Variants in CFAP77 observed in about 807,000 individuals in gnomAD.
The protein encoded by CFAP77 is cilia- and flagella-associated protein 77.
A neutral mutation model predicts 31.1 loss-of-function variants in CFAP77; 25 were observed. The observed-to-expected ratio is 0.80, with a 90% CI of 0.59 to 1.12. The LOEUF is 1.12. Ranked by LOEUF, CFAP77 falls within the 50% of genes most tolerant of loss-of-function variation. The probability of loss-of-function intolerance (pLI) is 0.00; values close to 1 mark genes in which losing one functional copy is unlikely to be tolerated. For missense variants in CFAP77, 377 were observed against 397.3 expected (o/e 0.95, Z 0.44); for synonymous variants, 151 against 159.9 (o/e 0.94, Z 0.42).
chr9:132,488,783 C>G (rs140364184), intron 1 of CFAP77, among the ~76,000 whole-genome samples: 1 of 152,174 alleles, frequency 6.6e-6, no homozygotes, highest in East Asian at 1.9e-4. Flanking sequence ...AGGGCCTGGC[C>G]CTTCATGATG....
intron 1 of CFAP77, among the ~76,000 whole-genome samples, chr9:132,430,431 T>G (rs546660297): frequency 6.6e-6 from 1 of 152,258 alleles, no homozygotes; most frequent in South Asian, 2.1e-4. Flanking sequence ...CTTAAGATAG[T>G]TACATTTATC....
chr9:132,493,452 C>T (rs73556749), intron 1 of CFAP77, among the ~76,000 whole-genome samples: 13,784 of 152,230 alleles, frequency 0.091, 986 homozygotes, highest in African/African-American at 0.2. Flanking sequence ...ATGCAGTTCT[C>T]ATGTGAAGCT....
rs369660557 is a variant in CFAP77 at position 132,476,822 on chromosome 9, G to A, written c.196-21873G>A. Among the ~76,000 whole-genome samples, 13 of 152,100 alleles carry A rather than the reference G, an allele frequency of 8.5e-5. No individual in the cohort carries two copies. In the East Asian group the frequency reaches 2.5e-3, roughly 29 times the overall value. ...AGAGGCCTGGAATGAGTCCCCCCTC[G>A]GAGCCCCAGAAGGAACCACTGCTGC... is the stretch of plus-strand genomic sequence containing the variant. On this transcript the variant is annotated intron_variant, in intron 1 of 5. Coordinates refer to ENST00000393216, the MANE Select transcript of CFAP77 (RefSeq NM_001282957.2).
intron 3 of CFAP77, chr9:132,513,220 C>A: frequency 6.5e-7 from 1 of 1,528,646 alleles, no homozygotes; most frequent in Non-Finnish European, 8.8e-7. Context: ...GTCAAGGGAG[C>A]AAAACATTTT....
At chr9:132,440,270 G>A (rs529381643) in intron 1 of CFAP77, among the ~76,000 whole-genome samples, 108 of 152,204 alleles carry the variant, frequency 7.1e-4, no homozygotes, top group African/African-American at 2.1e-3. Flanking sequence ...CCAGGAGGAC[G>A]CGGCTACAGT....
intron 1 of CFAP77, among the ~76,000 whole-genome samples, chr9:132,472,544 G>A (rs969273555): frequency 6.6e-6 from 1 of 152,186 alleles, no homozygotes; most frequent in African/African-American, 2.4e-5. Flanking sequence ...ATGGATTGAG[G>A]CCAGGATTTC....
chr9:132,486,766 A>T (rs1851567351), intron 1 of CFAP77, among the ~76,000 whole-genome samples: 3 of 152,268 alleles, frequency 2.0e-5, no homozygotes, highest in Non-Finnish European at 4.4e-5. Flanking sequence ...GCTAAGTAGC[A>T]AATAAATCTC....
chr9:132,451,414 C>T (rs1357053900), intron 1 of CFAP77, among the ~76,000 whole-genome samples: 1 of 151,680 alleles, frequency 6.6e-6, no homozygotes, highest in Non-Finnish European at 1.5e-5. Context: ...GGTCTTTTAG[C>T]GCTGGTGGTT....
Position 132,554,353 on chromosome 9 carries a change from A to ATT in CFAP77, c.732+11316_732+11317dup, listed in dbSNP as rs374057718. 2.0e-5 allele frequency among the ~76,000 whole-genome samples: 3 copies of ATT among 147,896 alleles called. No homozygotes were observed. The highest frequency in any genetic ancestry group is 3.0e-5 in the Non-Finnish European group (2 of 66,724). On this transcript the variant is annotated intron_variant, in intron 5 of 5. Coordinates refer to ENST00000393216, the MANE Select transcript of CFAP77 (RefSeq NM_001282957.2). The surrounding 1 kb of genome is among the most constrained non-coding windows in gnomAD (Gnocchi z 4.1). ...TGCAACCCTTATTTTTATTTTATTT[A>ATT]TTTTTTTTTTTGAGACAGGCTCTCA...
At chr9:132,427,756 C>T (rs1850341744) in intron 1 of CFAP77, among the ~76,000 whole-genome samples, 1 of 152,228 alleles carries the variant, frequency 6.6e-6, no homozygotes, top group African/African-American at 2.4e-5. Context: ...ATTATGTTCC[C>T]ATGACATTCT....
Position 132,410,450 on chromosome 9 carries a change from A to C in CFAP77, c.179A>C (p.Asn60Thr). The change falls in exon 1 of 6, where the codon AAC becomes ACC. Residue 60 changes from asparagine to threonine, a missense_variant. Coordinates refer to ENST00000393216, the MANE Select transcript of CFAP77 (RefSeq NM_001282957.2). ...GTCGTGCGGGACTCCATGTTTCAGA[A>C]CCCTCTCATCGTCAAGGTGAGCACC... ...LGVVRDSMFQ[N>T]PLIVKAELGK... is the part of the protein sequence containing the mutation. 1 of 1,585,754 alleles carries C rather than the reference A, an allele frequency of 6.3e-7. No individual in the cohort carries two copies. Among genetic ancestry groups the C allele is most frequent in the Non-Finnish European group, 8.6e-7 (1 of 1,168,822 alleles).
intron 5 of CFAP77, 106 bp downstream of exon 5, chr9:132,543,153 G>A (rs1000463178): frequency 2.6e-5 from 22 of 856,362 alleles, no homozygotes; most frequent in African/African-American, 2.2e-4. Flanking sequence ...TCTCACCATC[G>A]ATTAGTACAA....
chr9:132,498,283 G>A lies in CFAP77; in HGVS notation c.196-412G>A, dbSNP rs1033647313. 4.6e-5 allele frequency among the ~76,000 whole-genome samples: 7 copies of A among 152,096 alleles called. No individual in the cohort carries two copies. The highest frequency in any genetic ancestry group is 1.7e-4 in the African/African-American group (7 of 41,396). ...ATGAGGAAGGTGGGAATGAAGGTAG[G>A]AAAGATGTCTCCTTCCTTCGACGGG... On this transcript the variant is annotated intron_variant, in intron 1 of 5. Coordinates refer to ENST00000393216, the MANE Select transcript of CFAP77 (RefSeq NM_001282957.2). This position sits in a 1 kb window ranked among gnomAD's most constrained non-coding sequence, Gnocchi z 4.2.
intron 1 of CFAP77, among the ~76,000 whole-genome samples, chr9:132,457,681 G>A (rs1589861355): frequency 6.6e-6 from 1 of 152,352 alleles, no homozygotes; most frequent in African/African-American, 2.4e-5. Flanking sequence ...GCGTGCCATC[G>A]GGGCAGGGCC....
intron 1 of CFAP77, among the ~76,000 whole-genome samples, chr9:132,469,573 C>A (rs545826135): frequency 6.6e-6 from 1 of 152,222 alleles, no homozygotes; most frequent in Non-Finnish European, 1.5e-5. Flanking sequence ...CCGTGCTTCC[C>A]AGAAAAGGGG....
chr9:132,415,124 G>A (rs1850073755), intron 1 of CFAP77, among the ~76,000 whole-genome samples: 1 of 152,156 alleles, frequency 6.6e-6, no homozygotes, highest in Admixed American at 6.5e-5. Flanking sequence ...CAATTACAAT[G>A]TAATAGGAGA....
rs752429559 is a variant in CFAP77 at position 132,499,349 on chromosome 9, C to T, written c.296-23C>T. Reference sequence around the variant, plus strand: ...CTTACTCCCAGGCTGACCACTGCCCCGTGGGTCTCTCCCTGCCCTCAGCCA... The same window carrying T: ...CTTACTCCCAGGCTGACCACTGCCCTGTGGGTCTCTCCCTGCCCTCAGCCA... On this transcript the variant is annotated intron_variant, in intron 2 of 5. Coordinates refer to ENST00000393216, the MANE Select transcript of CFAP77 (RefSeq NM_001282957.2). This position sits in a 1 kb window ranked among gnomAD's most constrained non-coding sequence, Gnocchi z 5.4. 1.5e-5 allele frequency: 24 copies of T among 1,609,988 alleles called. No individual in the cohort carries two copies. Among genetic ancestry groups the T allele is most frequent in the East Asian group, 1.3e-4 (6 of 44,824 alleles).
intron 1 of CFAP77, among the ~76,000 whole-genome samples, chr9:132,413,903 T>A (rs1850053560): frequency 6.6e-6 from 1 of 152,182 alleles, no homozygotes; most frequent in African/African-American, 2.4e-5. Context: ...CATGCATTTT[T>A]AAAATAGAGT....
chr9:132,496,006 T>C (rs985555833), intron 1 of CFAP77, among the ~76,000 whole-genome samples: 3 of 152,226 alleles, frequency 2.0e-5, no homozygotes, highest in African/African-American at 7.2e-5. Context: ...TAATTTGCTA[T>C]GGCAGCCTAA....
Sources: gnomAD v4.1 joint callset for allele counts (sites outside exome capture counted in the v4.1 genomes callset) on GRCh38, gnomAD v4.1.1 for gene constraint, Gnocchi (gnomAD v3.1) non-coding constraint, MANE v1.5 for transcripts, NCBI Gene and HGNC (gene_info 2026-07-23, HGNC 2026-07-21) for gene names.